TIMMDC1: variants seen among roughly 807,000 people sequenced by gnomAD.
The protein encoded by TIMMDC1 is translocase of inner mitochondrial membrane domain containing 1, also known as complex I assembly factor TIMMDC1, mitochondrial.
In TIMMDC1, 25 loss-of-function variants were observed where a neutral mutation model predicts 32.6. That is an observed-to-expected ratio of 0.77 (90% CI 0.56 to 1.07). TIMMDC1 has a LOEUF of 1.07. Among genes scored for constraint, TIMMDC1 ranks in the 50% least tolerant of loss-of-function variants. The probability of loss-of-function intolerance (pLI) is 0.00; values close to 1 mark genes in which losing one functional copy is unlikely to be tolerated. For synonymous variants in TIMMDC1, 130 were observed against 127.6 expected (o/e 1.02, Z -0.13); for missense variants, 329 against 349.2 (o/e 0.94, Z 0.46).
chr3:119,513,282 G>T (rs1266231081), intron 4 of TIMMDC1, among the ~76,000 whole-genome samples: 1 of 152,060 alleles, frequency 6.6e-6, no homozygotes, highest in African/African-American at 2.4e-5. Flanking sequence ...AAACTGGAGG[G>T]GCTAGTGAAG....
At position 119,500,858 on chromosome 3, in the gene TIMMDC1, G is replaced by GT; in HGVS notation, c.359dup (p.Gln121AlafsTer35). The GT allele has an allele frequency of 1.2e-6, 2 of 1,613,576 alleles. No homozygotes were observed. Among genetic ancestry groups the GT allele is most frequent in the Non-Finnish European group, 8.5e-7 (1 of 1,179,712 alleles). ...AATTTATCATAACCGGTTTGATGCT[G>GT]TGGTATGTACTGGTGATCTAAAGAA... On this transcript the variant is annotated frameshift_variant and splice_region_variant, in exon 2 of 7. Transcript: ENST00000494664. LOFTEE classifies it high-confidence loss of function.
rs1037880199 is a variant in TIMMDC1, at chr3:119,524,160, T to C, written c.*404T>C. 1.3e-5 allele frequency: 2 copies of C among 154,416 alleles called. No individual in the cohort carries two copies. The highest frequency in any genetic ancestry group is 4.8e-5 in the African/African-American group (2 of 41,512). 9.6% of individuals were successfully genotyped at this position (154,416 alleles called of 1,614,324 possible). Reference sequence around the variant, plus strand: ...GAGAGGAAAGAACCAGGTAGGCAAATGGTCTGTGAAACCCTTGGGTCCTGG... The same window carrying C: ...GAGAGGAAAGAACCAGGTAGGCAAACGGTCTGTGAAACCCTTGGGTCCTGG... On this transcript the variant is annotated 3_prime_UTR_variant, in exon 7 of 7. Transcript: ENST00000494664.
Position 119,503,964 on chromosome 3 carries a change from A to G in TIMMDC1, c.460A>G (p.Thr154Ala), listed in dbSNP as rs766582988. ...VFVTIFNTVN[T>A]SLNVYRNKDA... ...CTCCCTTTTTACCAGCACAGTGAAC[A>G]CTAGTCTGAATGTATACCGAAATAA... Residue 154 changes from threonine to alanine, a missense_variant, in exon 4 of 7, where the codon ACT (threonine) becomes GCT (alanine). Transcript: ENST00000494664. 4.3e-6 allele frequency: 7 copies of G among 1,613,404 alleles called. No individual in the cohort carries two copies. Among genetic ancestry groups the G allele is most frequent in the African/African-American group, 4.0e-5 (3 of 74,932 alleles).
At chr3:119,513,343 GA>G (rs3836219) in intron 4 of TIMMDC1, among the ~76,000 whole-genome samples, 80,759 of 151,938 alleles carry the variant, frequency 0.53, 21,770 homozygotes, top group Non-Finnish European at 0.59. Context: ...AAGAGAAGGG[GA>G]AAAACATTTT....
chr3:119,511,155 C>T (rs1477559090), intron 4 of TIMMDC1, among the ~76,000 whole-genome samples: 1 of 151,920 alleles, frequency 6.6e-6, no homozygotes, highest in Non-Finnish European at 1.5e-5. Flanking sequence ...TTGCACATTT[C>T]CAAAACATTT....
chr3:119,517,064 G>A, intron 5 of TIMMDC1, 141 bp from the exon 6 acceptor site: 1 of 494,680 alleles, frequency 2.0e-6, no homozygotes, highest in Non-Finnish European at 3.6e-6. Context: ...TATTTGACAA[G>A]GACACTTTAA....
intron 2 of TIMMDC1, among the ~76,000 whole-genome samples, chr3:119,502,825 G>C (rs182785121): frequency 6.6e-6 from 1 of 152,234 alleles, no homozygotes; most frequent in East Asian, 1.9e-4. Context: ...CTCCCAAAGT[G>C]CTGAGATTAC....
At chr3:119,505,534 T>G (rs1460452724) in intron 4 of TIMMDC1, among the ~76,000 whole-genome samples, 1 of 152,058 alleles carries the variant, frequency 6.6e-6, no homozygotes, top group Non-Finnish European at 1.5e-5. Context: ...CCCAGCTAAT[T>G]TTTTGTATTT....
At position 119,498,596 on chromosome 3, in the gene TIMMDC1, T is replaced by A; in HGVS notation, c.-138T>A. The stretch of plus-strand genomic sequence containing the variant: ...CGAGGCCGGGGACTGAAGGTGTGGG[T>A]GTCGAGCCCTCTGGCAGAGGGTTAA... On this transcript the variant is annotated 5_prime_UTR_variant, in exon 1 of 7. Transcript: ENST00000494664. 2.6e-6 allele frequency: 2 copies of A among 765,294 alleles called. No homozygotes were observed. The highest frequency in any genetic ancestry group is 4.3e-6 in the Non-Finnish European group (2 of 467,236). The allele number at this position is 765,294 out of a possible 1,614,324, so 47.4% of individuals were successfully genotyped here.
chr3:119,512,977 G>A (rs144794666), intron 4 of TIMMDC1, among the ~76,000 whole-genome samples: 1,994 of 152,322 alleles, frequency 0.013, 22 homozygotes, highest in Non-Finnish European at 0.017. Flanking sequence ...CTGACCTCAA[G>A]TGATCCGCCT....
chr3:119,515,064 C>T (rs1267001138), intron 5 of TIMMDC1, among the ~76,000 whole-genome samples: 1 of 151,946 alleles, frequency 6.6e-6, no homozygotes, highest in Non-Finnish European at 1.5e-5. Flanking sequence ...GTGGCAAGCG[C>T]CTGTAATCAC....
At chr3:119,503,647 G>C in intron 3 of TIMMDC1, 27 bp downstream of exon 3, 2 of 1,551,194 alleles carry the variant, frequency 1.3e-6, no homozygotes, top group Non-Finnish European at 1.8e-6. Flanking sequence ...TTGTGAGATA[G>C]TGAATTTTCT....
At chr3:119,521,374 G>A (rs1293455065) in intron 6 of TIMMDC1, among the ~76,000 whole-genome samples, 2 of 152,146 alleles carry the variant, frequency 1.3e-5, no homozygotes, top group Non-Finnish European at 1.5e-5. Flanking sequence ...GACCGACATG[G>A]TGAAACCCCA....
At position 119,500,801 on chromosome 3, in the gene TIMMDC1, AAAC is replaced by A. The variant is rs746456566; in HGVS notation, c.307_309del (p.Gln103del). The A allele has an allele frequency of 1.2e-6, 2 of 1,614,160 alleles. No homozygotes were observed. Among genetic ancestry groups the A allele is most frequent in the Admixed American group, 3.3e-5 (2 of 60,020 alleles). On this transcript the variant is annotated inframe_deletion, in exon 2 of 7. Transcript: ENST00000494664. ...GGGAATACCAGCTTTTATTCATGCT[AAAC>A]AACAATACATTGAGCAGAGCCAGGC...
At chr3:119,515,952 ATTTAATGATTTTT>A (rs144450208) in intron 5 of TIMMDC1, among the ~76,000 whole-genome samples, 2,022 of 152,310 alleles carry the variant, frequency 0.013, 41 homozygotes, top group South Asian at 0.071. Flanking sequence ...AATGCTATAG[ATTTAATGATTTTT>A]TTAAAAATTT....
chr3:119,520,520 A>G (rs1354649021), intron 6 of TIMMDC1, among the ~76,000 whole-genome samples: 3 of 152,214 alleles, frequency 2.0e-5, no homozygotes, highest in African/African-American at 4.8e-5. Context: ...CCTATAATCT[A>G]TCGAGATTGA....
rs2082048992 is a variant in TIMMDC1, at chr3:119,524,062, T to C, written c.*306T>C. 5.1e-6 allele frequency: 1 copy of C among 194,538 alleles called. No homozygotes were observed. Among genetic ancestry groups the C allele is most frequent in the Non-Finnish European group, 1.1e-5 (1 of 95,056 alleles). The allele number at this position is 194,538 out of a possible 1,614,324, so 12.1% of individuals were successfully genotyped here. ...AGTAAATAAAACATTTCGCAAAAGA[T>C]TAAAGTTGAATTTTACAGTTCGTAT... On this transcript the variant is annotated 3_prime_UTR_variant, in exon 7 of 7. Coordinates refer to ENST00000494664, the MANE Select transcript of TIMMDC1 (RefSeq NM_016589.4).
rs753868744 is a variant in TIMMDC1 at position 119,500,803 on chromosome 3, A to G, written c.303A>G (p.Lys101=). The G allele has an allele frequency of 1.4e-5, 23 of 1,614,056 alleles. No homozygotes were observed. The East Asian group carries it at 2.0e-4, about 14-fold the overall frequency. Reference sequence around the variant, plus strand: ...GAATACCAGCTTTTATTCATGCTAAACAACAATACATTGAGCAGAGCCAGG... The same window carrying G: ...GAATACCAGCTTTTATTCATGCTAAGCAACAATACATTGAGCAGAGCCAGG... ...YGGIPAFIHA[K]QQYIEQSQAE... The change falls in exon 2 of 7, where the codon AAA becomes AAG. Residue 101 remains lysine, a synonymous_variant. Coordinates refer to ENST00000494664, the MANE Select transcript of TIMMDC1 (RefSeq NM_016589.4).
intron 4 of TIMMDC1, among the ~76,000 whole-genome samples, chr3:119,511,511 C>T (rs1307552201): frequency 3.3e-5 from 5 of 151,174 alleles, no homozygotes; most frequent in African/African-American, 9.7e-5. Context: ...AAAATTTGTG[C>T]GTAAGTAAAT....
Sources: allele counts gnomAD v4.1 joint callset (sites outside exome capture counted in the v4.1 genomes callset), GRCh38; gene constraint gnomAD v4.1.1; transcripts MANE v1.5; gene names NCBI Gene and HGNC (gene_info 2026-07-23, HGNC 2026-07-21).